Variants in ABCA13 observed in about 807,000 individuals in gnomAD.
The protein encoded by ABCA13 is ATP-binding cassette sub-family A member 13.
Under a neutral mutation model 478.7 loss-of-function variants are expected in ABCA13, and 476 were observed. The observed-to-expected ratio is 0.99, with a 90% CI of 0.92 to 1.07. The LOEUF (loss-of-function observed/expected upper bound fraction) is 1.07, where lower values mean the gene tolerates loss of function less well. Ranked by LOEUF, ABCA13 falls within the 50% of genes least tolerant of loss-of-function variation. ABCA13 has a pLI of 0.00. For missense variants in ABCA13, 6,060 were observed against 5,910.6 expected, an observed-to-expected ratio of 1.03 and a Z score of -0.83; for synonymous variants, 2,252 against 2,158.9, an observed-to-expected ratio of 1.04 and a Z score of -1.20.
chr7:48,335,386 A>G (rs779386976), intron 27 of ABCA13, 36 bp from the exon 28 acceptor site: 1 of 1,456,410 alleles, frequency 6.9e-7, no homozygotes, highest in African/African-American at 1.4e-5. Flanking sequence ...ATAACAGCTG[A>G]ATAAGAGACA....
intron 42 of ABCA13, among the ~76,000 whole-genome samples, chr7:48,433,504 T>A (rs940772827): frequency 2.0e-5 from 3 of 149,902 alleles, no homozygotes; most frequent in Non-Finnish European, 4.4e-5. Flanking sequence ...ATATGATATA[T>A]ATTTTTACTG....
At chr7:48,400,497 T>C (rs1459403548) in intron 38 of ABCA13, among the ~76,000 whole-genome samples, 3 of 152,232 alleles carry the variant, frequency 2.0e-5, no homozygotes, top group African/African-American at 7.2e-5. Flanking sequence ...AATGTAACTT[T>C]GAAAAAATTA....
chr7:48,478,032 G>A (rs942905798), intron 45 of ABCA13, among the ~76,000 whole-genome samples: 15 of 151,570 alleles, frequency 9.9e-5, no homozygotes, highest in Admixed American at 2.0e-4. Context: ...TATGGGGGGT[G>A]GTGAAGTGAA....
At chr7:48,571,609 A>G (rs1317760353) in intron 55 of ABCA13, among the ~76,000 whole-genome samples, 6 of 151,902 alleles carry the variant, frequency 3.9e-5, no homozygotes, top group African/African-American at 1.5e-4. Flanking sequence ...ACTATGAGTC[A>G]CTTCTCTCAT....
At chr7:48,178,681 T>TAA (rs982637462) in intron 1 of ABCA13, among the ~76,000 whole-genome samples, 1 of 117,546 alleles carries the variant, frequency 8.5e-6, no homozygotes, top group Admixed American at 8.4e-5. Context: ...CTCAAAAAAA[T>TAA]AAAAAAAAGT....
chr7:48,403,690 C>T lies in ABCA13; in HGVS notation c.11881C>T (p.Gln3961Ter). ...ELHQQVNQTL[Q>*]DVDLTQHQHK... Reference sequence around the variant, plus strand: ...GTTTTCTTCTAATTTCAGAACTCTTCAGGATGTGGACTTAACTCAGCATCA... The same window carrying T: ...GTTTTCTTCTAATTTCAGAACTCTTTAGGATGTGGACTTAACTCAGCATCA... Residue 3961 changes from glutamine to a stop codon, truncating the protein, a stop_gained, in exon 39 of 62, where the codon CAG (glutamine) becomes TAG (stop). Coordinates refer to ENST00000435803, the MANE Select transcript of ABCA13 (RefSeq NM_152701.5). LOFTEE classifies it high-confidence loss of function. 1 of 1,613,830 alleles carries T rather than the reference C, an allele frequency of 6.2e-7. No individual in the cohort carries two copies. Among genetic ancestry groups the T allele is most frequent in the Non-Finnish European group, 8.5e-7 (1 of 1,179,812 alleles).
At chr7:48,255,938 T>C (rs906907049) in intron 15 of ABCA13, among the ~76,000 whole-genome samples, 9 of 152,166 alleles carry the variant, frequency 5.9e-5, no homozygotes, top group African/African-American at 2.2e-4. Flanking sequence ...AGTGTGTAAG[T>C]GTTCCCGTTT....
At position 48,276,039 on chromosome 7, in the gene ABCA13, G is replaced by A. The variant is rs1219197721; in HGVS notation, c.6373G>A (p.Val2125Ile). ...AGAAATTATTGAAGATTTTCTATTG[G>A]TCACAAAAAACTGGCTTCAGGAATA... is the stretch of plus-strand genomic sequence containing the variant. ...TLEIIEDFLL[V>I]TKNWLQEYAN... Residue 2125 changes from valine to isoleucine, a missense_variant, in exon 17 of 62, where the codon GTC (valine) becomes ATC (isoleucine). By Grantham distance (29) the Val-to-Ile change is conservative. This residue lies in a region of ABCA13 where 4,423 missense variants were observed against 4,309.1 expected (regional missense o/e 1.03). Transcript: ENST00000435803. The A allele has an allele frequency of 6.2e-7, 1 of 1,608,622 alleles. No homozygotes were observed.
At position 48,402,253 on chromosome 7, in the gene ABCA13, C is replaced by A. The variant is rs76629816; in HGVS notation, c.11874-1430C>A. Among the ~76,000 whole-genome samples the A allele has an allele frequency of 9.6e-3, 1,461 of 152,284 alleles. 20 individuals are homozygous for A. Among genetic ancestry groups the A allele is most frequent in the African/African-American group, 0.034 (1,396 of 41,548 alleles). ...CACAGAAAGGTAACCAGAACATGCACGTTTGAGAACATCTGACATCTTACT... is the reference window on the plus strand; with the variant it reads ...CACAGAAAGGTAACCAGAACATGCAAGTTTGAGAACATCTGACATCTTACT... On this transcript the variant is annotated intron_variant, in intron 38 of 61. Coordinates refer to ENST00000435803, the MANE Select transcript of ABCA13 (RefSeq NM_152701.5).
intron 15 of ABCA13, among the ~76,000 whole-genome samples, chr7:48,250,866 C>T (rs548704857): frequency 1.6e-4 from 24 of 152,248 alleles, no homozygotes; most frequent in African/African-American, 4.8e-4. Flanking sequence ...GACACTGCTC[C>T]ATCACAGTGG....
At chr7:48,505,700 A>C (rs1831146084) in intron 48 of ABCA13, among the ~76,000 whole-genome samples, 1 of 152,232 alleles carries the variant, frequency 6.6e-6, no homozygotes, top group South Asian at 2.1e-4. Context: ...GTTCTTCTTA[A>C]CACAATATTG....
At chr7:48,574,701 T>G (rs1246108866) in intron 55 of ABCA13, among the ~76,000 whole-genome samples, 2 of 152,188 alleles carry the variant, frequency 1.3e-5, no homozygotes, top group Non-Finnish European at 1.5e-5. Flanking sequence ...CTCCTCTGCC[T>G]TTTAGCCATC....
chr7:48,192,529 G>A (rs1263931673), intron 1 of ABCA13, among the ~76,000 whole-genome samples: 1 of 152,124 alleles, frequency 6.6e-6, no homozygotes, highest in Non-Finnish European at 1.5e-5. Context: ...TGAAAAATAT[G>A]CATAAAATGA....
At chr7:48,407,247 G>A (rs1175235405) in intron 39 of ABCA13, among the ~76,000 whole-genome samples, 1 of 152,040 alleles carries the variant, frequency 6.6e-6, no homozygotes, top group Non-Finnish European at 1.5e-5. Flanking sequence ...GCCGAGAGAA[G>A]TGGATCACCT....
At chr7:48,453,074 A>C (rs1271738340) in intron 42 of ABCA13, among the ~76,000 whole-genome samples, 1 of 152,198 alleles carries the variant, frequency 6.6e-6, no homozygotes, top group Non-Finnish European at 1.5e-5. Flanking sequence ...CTAGCAATAT[A>C]ATCTGTCTAT....
intron 57 of ABCA13, among the ~76,000 whole-genome samples, chr7:48,593,029 T>TAAA (rs1205493996): frequency 6.6e-6 from 1 of 152,064 alleles, no homozygotes; most frequent in African/African-American, 2.4e-5. Flanking sequence ...TCATTCACTT[T>TAAA]ATGCCTTTTG....
At position 48,283,956 on chromosome 7, in the gene ABCA13, C is replaced by T. The variant is rs867516333; in HGVS notation, c.8836+2504C>T. On this transcript the variant is annotated intron_variant, in intron 19 of 61. Coordinates refer to ENST00000435803, the MANE Select transcript of ABCA13 (RefSeq NM_152701.5). ...AACATAGGGGAACACCTATTTCAAC[C>T]TATGTGAGAGGATTAAATAAAATGA... Among the ~76,000 whole-genome samples, 5 of 152,254 alleles carry T rather than the reference C, an allele frequency of 3.3e-5. No homozygotes were observed. In the South Asian group the frequency reaches 1.0e-3, roughly 32 times the overall value.
At chr7:48,188,438 T>C (rs1796646417) in intron 1 of ABCA13, among the ~76,000 whole-genome samples, 1 of 152,186 alleles carries the variant, frequency 6.6e-6, no homozygotes, top group Non-Finnish European at 1.5e-5. Context: ...CTCATCTCCA[T>C]GGATGTGGGT....
At chr7:48,600,120 T>A (rs1790727654) in intron 58 of ABCA13, among the ~76,000 whole-genome samples, 1 of 152,224 alleles carries the variant, frequency 6.6e-6, no homozygotes, top group Non-Finnish European at 1.5e-5. Context: ...GAATATGCAT[T>A]CTTAATTGCT....
Sources: gnomAD v4.1 joint callset for allele counts (sites outside exome capture counted in the v4.1 genomes callset) on GRCh38, gnomAD v4.1.1 for gene constraint, gnomAD v4.1.1 regional missense constraint, MANE v1.5 for transcripts, NCBI Gene and HGNC (gene_info 2026-07-23, HGNC 2026-07-21) for gene names.